Variants in SGMS1 observed in about 807,000 individuals in gnomAD.
The protein encoded by SGMS1 is sphingomyelin synthase 1.
In SGMS1, 13 loss-of-function variants were observed where a neutral mutation model predicts 46.2. That is an observed-to-expected ratio of 0.28 (90% CI 0.18 to 0.45). The LOEUF is 0.45. Ranked by LOEUF, SGMS1 falls within the 20% of genes least tolerant of loss-of-function variation. The pLI, the probability that SGMS1 is intolerant of heterozygous loss-of-function variation, is 1.00. For missense variants in SGMS1, 324 were observed against 519.9 expected, an observed-to-expected ratio of 0.62 and a Z score of 3.66; for synonymous variants, 203 against 187.8, an observed-to-expected ratio of 1.08 and a Z score of -0.66.
chr10:50,382,147 A>G (rs1390691562), intron 6 of SGMS1, among the ~76,000 whole-genome samples: 1 of 152,222 alleles, frequency 6.6e-6, no homozygotes, highest in Admixed American at 6.5e-5. Flanking sequence ...AACCTTAGAA[A>G]TTAAGAATTG....
At chr10:50,578,130 T>G (rs1838401286) in intron 2 of SGMS1, among the ~76,000 whole-genome samples, 1 of 152,246 alleles carries the variant, frequency 6.6e-6, no homozygotes, top group South Asian at 2.1e-4. Context: ...AACTGCTTAA[T>G]TTTTGCAGAG....
At chr10:50,462,500 C>T (rs1035737102) in intron 4 of SGMS1, among the ~76,000 whole-genome samples, 9 of 152,186 alleles carry the variant, frequency 5.9e-5, no homozygotes, top group South Asian at 4.1e-4. Flanking sequence ...TGCTAGCTTT[C>T]GATGCTTATG....
intron 5 of SGMS1, among the ~76,000 whole-genome samples, chr10:50,457,448 G>A (rs1308610664): frequency 6.6e-6 from 1 of 151,890 alleles, no homozygotes; most frequent in East Asian, 1.9e-4. Flanking sequence ...TTAGGTTCAG[G>A]AGATATATGT....
intron 2 of SGMS1, among the ~76,000 whole-genome samples, chr10:50,548,497 T>C (rs966690644): frequency 1.3e-5 from 2 of 152,206 alleles, no homozygotes; most frequent in Non-Finnish European, 2.9e-5. Flanking sequence ...CTGGAATAAC[T>C]GGCTAGCCAT....
intron 5 of SGMS1, among the ~76,000 whole-genome samples, chr10:50,449,533 G>C (rs1473305374): frequency 6.6e-6 from 1 of 152,082 alleles, no homozygotes; most frequent in Non-Finnish European, 1.5e-5. Context: ...TCCTAGGATG[G>C]TCTTGCCCCG....
chr10:50,563,605 T>C (rs113883439), intron 2 of SGMS1, among the ~76,000 whole-genome samples: 1 of 149,052 alleles, frequency 6.7e-6, no homozygotes, highest in Non-Finnish European at 1.5e-5. Flanking sequence ...TAGCCGGGCG[T>C]AGTGGCGGGC....
Position 50,344,245 on chromosome 10 carries a change from G to C in SGMS1, c.-131C>G. 7.8e-7 allele frequency: 1 copy of C among 1,289,416 alleles called. No homozygotes were observed. The highest frequency in any genetic ancestry group is 1.0e-6 in the Non-Finnish European group (1 of 956,650). 79.9% of individuals were successfully genotyped at this position (1,289,416 alleles called of 1,614,324 possible). ...GGCCTCATGAGCAGAGACTTGTTTG[G>C]CAAGATGGTCAGGGCAGTTTTTAAA... is the stretch of plus-strand genomic sequence containing the variant. On this transcript the variant is annotated 5_prime_UTR_variant, in exon 7 of 11. Transcript: ENST00000361781.
At chr10:50,503,766 AG>A (rs1445766282) in intron 3 of SGMS1, among the ~76,000 whole-genome samples, 1 of 152,180 alleles carries the variant, frequency 6.6e-6, no homozygotes, top group Non-Finnish European at 1.5e-5. Context: ...GACAAAGGCT[AG>A]GGTTCACTGC....
intron 1 of SGMS1, among the ~76,000 whole-genome samples, chr10:50,594,384 T>A (rs532306988): frequency 6.6e-6 from 1 of 152,362 alleles, no homozygotes; most frequent in East Asian, 1.9e-4. Context: ...CTGACTGGTA[T>A]CTTCTTGAAG....
intron 3 of SGMS1, among the ~76,000 whole-genome samples, chr10:50,474,831 T>C (rs1472846271): frequency 6.6e-6 from 1 of 152,202 alleles, no homozygotes; most frequent in Non-Finnish European, 1.5e-5. Context: ...TCAGAAATGA[T>C]GCTACAACCT....
At chr10:50,375,214 A>G (rs1229541217) in intron 6 of SGMS1, among the ~76,000 whole-genome samples, 1 of 152,210 alleles carries the variant, frequency 6.6e-6, no homozygotes, top group Non-Finnish European at 1.5e-5. Flanking sequence ...TGACTACAAC[A>G]TAAGAGGTGG....
At chr10:50,340,741 T>C (rs1049705104) in intron 7 of SGMS1, 5 of 152,218 alleles carry the variant, frequency 3.3e-5, no homozygotes, top group Admixed American at 1.3e-4. Context: ...AAATTCAAGA[T>C]TAAGATTTTC....
intron 6 of SGMS1, among the ~76,000 whole-genome samples, chr10:50,346,549 C>G (rs1163435928): frequency 6.6e-6 from 1 of 152,086 alleles, no homozygotes; most frequent in Non-Finnish European, 1.5e-5. Flanking sequence ...ATAATCTCTC[C>G]TGGGGATAGC....
intron 3 of SGMS1, among the ~76,000 whole-genome samples, chr10:50,514,552 T>C (rs1315505697): frequency 6.6e-6 from 1 of 152,168 alleles, no homozygotes; most frequent in African/African-American, 2.4e-5. Flanking sequence ...TCTATAGTCT[T>C]TTGCCATGTA....
intron 2 of SGMS1, among the ~76,000 whole-genome samples, chr10:50,535,907 A>G (rs1195869117): frequency 1.3e-5 from 2 of 152,186 alleles, no homozygotes; most frequent in Non-Finnish European, 2.9e-5. Context: ...AGAGCTTCAA[A>G]CTAGACAAAT....
chr10:50,611,340 G>A (rs762962564), intron 1 of SGMS1, among the ~76,000 whole-genome samples: 2 of 152,150 alleles, frequency 1.3e-5, no homozygotes, highest in Non-Finnish European at 2.9e-5. Context: ...TTCACACCAC[G>A]ACACTTGTGA....
intron 7 of SGMS1, among the ~76,000 whole-genome samples, chr10:50,328,324 A>G (rs1246398344): frequency 1.3e-5 from 2 of 152,160 alleles, no homozygotes; most frequent in African/African-American, 4.8e-5. Flanking sequence ...TAACCTTGTG[A>G]GGAGTTCAGA....
intron 3 of SGMS1, among the ~76,000 whole-genome samples, chr10:50,493,669 C>G (rs576636909): frequency 6.6e-6 from 1 of 151,912 alleles, no homozygotes; most frequent in African/African-American, 2.4e-5. Flanking sequence ...CAAACAGACC[C>G]TTTTCAAAAG....
chr10:50,588,068 A>C (rs1319708326), intron 2 of SGMS1, among the ~76,000 whole-genome samples: 3 of 151,934 alleles, frequency 2.0e-5, no homozygotes, highest in Non-Finnish European at 4.4e-5. Context: ...GTGGAGTCCC[A>C]CTCACTCCTC....
Sources: allele counts gnomAD v4.1 joint callset (sites outside exome capture counted in the v4.1 genomes callset), GRCh38; gene constraint gnomAD v4.1.1; transcripts MANE v1.5; gene names NCBI Gene and HGNC (gene_info 2026-07-23, HGNC 2026-07-21).